Variants in ZNF419 observed in about 807,000 individuals in gnomAD.
ZNF419 encodes the protein zinc finger protein 419.
A neutral mutation model predicts 14.9 loss-of-function variants in ZNF419; 8 were observed. The ratio of observed to expected loss-of-function variants is 0.54; its 90% CI spans 0.32 to 0.97. The LOEUF (loss-of-function observed/expected upper bound fraction) is 0.97, where lower values mean the gene tolerates loss of function less well. ZNF419 is among the 50% of genes least tolerant of loss of function. The probability of loss-of-function intolerance (pLI) is 0.04; values close to 1 mark genes in which losing one functional copy is unlikely to be tolerated. For missense variants in ZNF419, 595 were observed against 607.2 expected (o/e 0.98, Z 0.21); for synonymous variants, 211 against 205.3 (o/e 1.03, Z -0.24).
At chr19:57,492,759 A>T in intron 4 of ZNF419, 97 bp from the exon 5 acceptor site, 1 of 1,490,894 alleles carries the variant, frequency 6.7e-7, no homozygotes, top group Non-Finnish European at 9.4e-7. Context: ...TAGCAGCCCC[A>T]GGCACTAATT....
rs748176708 is a variant in ZNF419, at chr19:57,491,588, G to A, written c.190G>A (p.Ala64Thr). 1.9e-6 allele frequency: 3 copies of A among 1,614,048 alleles called. No homozygotes were observed. In the South Asian group the frequency reaches 3.3e-5, roughly 18 times the overall value. Reference sequence around the variant, plus strand: ...GATGCTGGAGAACTTTACACTTCTGGCCTCTCTGGGTAAGGTTCTCACACC... The same window carrying A: ...GATGCTGGAGAACTTTACACTTCTGACCTCTCTGGGTAAGGTTCTCACACC... The part of the protein sequence containing the change: ...NVMLENFTLL[A>T]SLGLASSKTH... The change falls in exon 3 of 5, where the codon GCC (alanine) becomes ACC (threonine). Residue 64 changes from alanine (A) to threonine (T), a missense_variant. Physicochemically the swap from Ala to Thr is moderately conservative, Grantham distance 58. Coordinates refer to ENST00000221735, the MANE Select transcript of ZNF419 (RefSeq NM_024691.4).
intron 4 of ZNF419, 182 bp from the exon 5 acceptor site, chr19:57,492,674 A>G: frequency 1.1e-6 from 1 of 887,178 alleles, no homozygotes; most frequent in Non-Finnish European, 1.9e-6. Context: ...GGCCTCCCCA[A>G]ATCCTTGAGC....
intron 2 of ZNF419, 136 bp downstream of exon 2, chr19:57,490,321 A>G: frequency 1.4e-6 from 1 of 720,036 alleles, no homozygotes; most frequent in South Asian, 1.6e-5. Context: ...ATGGTCACAC[A>G]CAGTCAGGGC....
In ZNF419 at chr19:57,493,586, T is replaced by C. The variant is rs372654533; in HGVS notation, c.1029T>C (p.Tyr343=). 4 of 1,609,294 alleles carry C rather than the reference T, an allele frequency of 2.5e-6. No individual in the cohort carries two copies. Among genetic ancestry groups the C allele is most frequent in the Non-Finnish European group, 3.4e-6 (4 of 1,175,980 alleles). ...HQRIHTGERP[Y]KCSECGKFYS... is the part of the protein sequence containing the mutation. ...GAATTCACACTGGAGAAAGACCTTA[T>C]AAGTGCAGTGAATGTGGAAAATTCT... Residue 343 remains tyrosine (Y), a synonymous_variant, in exon 5 of 5, where the codon TAT becomes TAC. Transcript: ENST00000221735.
At chr19:57,490,412 A>C (rs2089455661) in intron 2 of ZNF419, 1 of 322,074 alleles carries the variant, frequency 3.1e-6, no homozygotes, top group Non-Finnish European at 5.6e-6. Context: ...TGGAGTGCAA[A>C]GGCGCGATCT....
chr19:57,494,143 C>G lies in ZNF419; in HGVS notation c.*53C>G. ...CAACCTCATTCAACACCAGAAAGTTCACAGTGGAAAAAATCTTGAAGGTAA... is the reference window on the plus strand; with the variant it reads ...CAACCTCATTCAACACCAGAAAGTTGACAGTGGAAAAAATCTTGAAGGTAA... On this transcript the variant is annotated 3_prime_UTR_variant, in exon 5 of 5. Coordinates refer to ENST00000221735, the MANE Select transcript of ZNF419 (RefSeq NM_024691.4). The G allele has an allele frequency of 6.5e-7, 1 of 1,537,830 alleles. No homozygotes were observed. The highest frequency in any genetic ancestry group is 2.2e-5 in the Admixed American group (1 of 46,008).
chr19:57,490,221 C>A lies in ZNF419; in HGVS notation c.72+36C>A, dbSNP rs1315016415. 6.9e-6 allele frequency: 11 copies of A among 1,600,912 alleles called. No homozygotes were observed. In the Admixed American group the frequency reaches 1.9e-4, roughly 27 times the overall value. ...GATGTCTCAGGTCCTCACACTCCTG[C>A]ACTCCTACCTACATGGTCTTCAGAA... On this transcript the variant is annotated intron_variant, in intron 2 of 4. Transcript: ENST00000221735.
Position 57,494,656 on chromosome 19 carries a change from T to C in ZNF419, c.*566T>C, listed in dbSNP as rs1177234336. The C allele has an allele frequency of 6.0e-6, 1 of 166,128 alleles. No homozygotes were observed. Among genetic ancestry groups the C allele is most frequent in the Non-Finnish European group, 1.3e-5 (1 of 77,750 alleles). 10.3% of individuals were successfully genotyped at this position (166,128 alleles called of 1,614,324 possible). ...TTAGATCTTCTTTAATAAATATTTA[T>C]TTCCCATACACCCTTATGACCATTT... On this transcript the variant is annotated 3_prime_UTR_variant, in exon 5 of 5. Transcript: ENST00000221735.
chr19:57,488,063 C>G, intron 1 of ZNF419, 80 bp downstream of exon 1: 1 of 1,580,770 alleles, frequency 6.3e-7, no homozygotes, highest in South Asian at 1.1e-5. Context: ...GGGTGCAGAA[C>G]TGTGGGGCGT....
In ZNF419 at chr19:57,493,402, C is replaced by T. The variant is rs1411673794; in HGVS notation, c.845C>T (p.Thr282Ile). The stretch of plus-strand genomic sequence containing the variant: ...CTCATTGAACACCAGAGAGTTCACA[C>T]TGGAGAAAAGCCTTTTACATGCAGT... ...AHLIEHQRVH[T>I]GEKPFTCSEC... The change falls in exon 5 of 5, where the codon ACT becomes ATT. Residue 282 changes from threonine to isoleucine, a missense_variant. By Grantham distance (89) the Thr-to-Ile change is moderately conservative (BLOSUM62 -1). Coordinates refer to ENST00000221735, the MANE Select transcript of ZNF419 (RefSeq NM_024691.4). 1.2e-6 allele frequency: 2 copies of T among 1,614,210 alleles called. No homozygotes were observed. Among genetic ancestry groups the T allele is most frequent in the South Asian group, 1.1e-5 (1 of 91,080 alleles).
intron 1 of ZNF419, chr19:57,489,937 C>G: frequency 5.2e-6 from 3 of 576,522 alleles, no homozygotes; most frequent in Non-Finnish European, 9.4e-6. Flanking sequence ...GAGTAAATAC[C>G]ATTATTATTG....
rs140323586 is a variant in ZNF419, at chr19:57,494,515, C to G, written c.*425C>G. 1.3e-4 allele frequency: 23 copies of G among 179,100 alleles called. No homozygotes were observed. The highest frequency in any genetic ancestry group is 4.7e-3 in the Middle Eastern group (2 of 428). 11.1% of individuals were successfully genotyped at this position (179,100 alleles called of 1,614,324 possible). ...CTTGGAGCTCCAGAGAGAGGGAGCC[C>G]TGTATTCTTGGCTGTACCCGTCGAA... On this transcript the variant is annotated 3_prime_UTR_variant, in exon 5 of 5. Coordinates refer to ENST00000221735, the MANE Select transcript of ZNF419 (RefSeq NM_024691.4).
At chr19:57,492,364 G>T in intron 4 of ZNF419, 153 bp downstream of exon 4, 1 of 913,940 alleles carries the variant, frequency 1.1e-6, no homozygotes, top group South Asian at 1.3e-5. Flanking sequence ...TCTGATGTTT[G>T]ACCTAGGGCC....
At position 57,488,165 on chromosome 19, in the gene ZNF419, G is replaced by C. The variant is rs1426510177; in HGVS notation, c.33+182G>C. On this transcript the variant is annotated intron_variant, in intron 1 of 4. Coordinates refer to ENST00000221735, the MANE Select transcript of ZNF419 (RefSeq NM_024691.4). ...CTCGCAAAGATGTGAGGCGCATTCA[G>C]CGAGTCCCGAACCTGAGGCCTCCTG... 4 of 939,450 alleles carry C rather than the reference G, an allele frequency of 4.3e-6. No individual in the cohort carries two copies. In the African/African-American group the frequency reaches 6.7e-5, roughly 16 times the overall value. The allele number at this position is 939,450 out of a possible 1,614,324, so 58.2% of individuals were successfully genotyped here.
chr19:57,493,424 C>T lies in ZNF419; in HGVS notation c.867C>T (p.Cys289=), dbSNP rs746100617. ...ACACTGGAGAAAAGCCTTTTACATG[C>T]AGTGAATGTGGAAAAGCTTTCAGGC... is the stretch of plus-strand genomic sequence containing the variant. ...RVHTGEKPFT[C]SECGKAFRHN... is the part of the protein sequence containing the mutation. The change falls in exon 5 of 5, where the codon TGC becomes TGT. Residue 289 remains cysteine, a synonymous_variant. Transcript: ENST00000221735. 2 of 1,614,180 alleles carry T rather than the reference C, an allele frequency of 1.2e-6. No homozygotes were observed. Among genetic ancestry groups the T allele is most frequent in the East Asian group, 2.2e-5 (1 of 44,884 alleles).
At position 57,490,142 on chromosome 19, in the gene ZNF419, C is replaced by CA. The variant is rs1241189521; in HGVS notation, c.34-4dup. 6.2e-7 allele frequency: 1 copy of CA among 1,613,194 alleles called. No individual in the cohort carries two copies. Among genetic ancestry groups the CA allele is most frequent in the Non-Finnish European group, 8.5e-7 (1 of 1,179,698 alleles). On this transcript the variant is annotated splice_polypyrimidine_tract_variant and splice_region_variant and intron_variant, in intron 1 of 4. Transcript: ENST00000221735. The stretch of plus-strand genomic sequence containing the variant: ...TCTGGTTCTCATAGTCTTGATTTTC[C>CA]ATAGGTTCCTGTGGCTGCAGACTTG...
In ZNF419 at chr19:57,495,860, TCAA is replaced by T. The variant is rs2089603720; in HGVS notation, c.*1771_*1773del. 1 of 151,134 alleles carries T rather than the reference TCAA, an allele frequency of 6.6e-6. No individual in the cohort carries two copies. The highest frequency in any genetic ancestry group is 1.5e-5 in the Non-Finnish European group (1 of 67,922). 9.4% of individuals were successfully genotyped at this position (151,134 alleles called of 1,614,324 possible). ...GTAGGTTTAACTACAAATAAATAAT[TCAA>T]TATATAGATAAATGTGTACATATTC... is the stretch of plus-strand genomic sequence containing the variant. On this transcript the variant is annotated 3_prime_UTR_variant, in exon 5 of 5. Transcript: ENST00000221735.
At chr19:57,491,691 G>T (rs988179356) in intron 3 of ZNF419, 94 bp downstream of exon 3, 2 of 1,569,416 alleles carry the variant, frequency 1.3e-6, no homozygotes, top group African/African-American at 2.7e-5. Context: ...AAGCTGAACT[G>T]TGGGCACTCA....
Position 57,494,293 on chromosome 19 carries a change from GT to G in ZNF419, c.*206del. 1 of 762,864 alleles carries G rather than the reference GT, an allele frequency of 1.3e-6. No individual in the cohort carries two copies. The highest frequency in any genetic ancestry group is 2.0e-6 in the Non-Finnish European group (1 of 501,280). The allele number at this position is 762,864 out of a possible 1,614,324, so 47.3% of individuals were successfully genotyped here. A position where few individuals can be genotyped will look rare whatever the true frequency, so the allele number is the denominator to read the frequency against. On this transcript the variant is annotated 3_prime_UTR_variant, in exon 5 of 5. Transcript: ENST00000221735. ...GCCTAACCCTATTCAACACCAGAAA[GT>G]TTACACTGGAGAAAGGCCTTAGGGT...
Sources: allele counts gnomAD v4.1 joint callset, GRCh38; gene constraint gnomAD v4.1.1; transcripts MANE v1.5; gene names NCBI Gene and HGNC (gene_info 2026-07-23, HGNC 2026-07-21).